The following EML3 variants were observed in gnomAD, a reference collection of about 807,000 sequenced individuals.
The protein encoded by EML3 is echinoderm microtubule-associated protein-like 3.
Under a neutral mutation model 106.7 loss-of-function variants are expected in EML3, and 53 were observed. That is an observed-to-expected ratio of 0.50 (90% CI 0.40 to 0.62). EML3 has a LOEUF of 0.62. EML3 is among the 20% of genes least tolerant of loss of function. EML3 has a pLI of 0.00. For missense variants in EML3, 994 were observed against 1,209.1 expected (o/e 0.82, Z 2.64); for synonymous variants, 499 against 489.6 (o/e 1.02, Z -0.25).
Position 62,607,653 on chromosome 11 carries a change from A to T in EML3, c.1362+13T>A. The T allele has an allele frequency of 6.2e-7, 1 of 1,609,586 alleles. No individual in the cohort carries two copies. The highest frequency in any genetic ancestry group is 8.5e-7 in the Non-Finnish European group (1 of 1,178,020). ...CTGCCCTCCCCATCACCTTCCACTT[A>T]TCCATGCCTCACCCCAAAGACACCC... On this transcript the variant is annotated intron_variant, in intron 11 of 21. Transcript: ENST00000394773.
At chr11:62,612,374 C>A in intron 1 of EML3, 62 bp downstream of exon 1, 1 of 1,476,080 alleles carries the variant, frequency 6.8e-7, no homozygotes, top group African/African-American at 1.4e-5. Flanking sequence ...CCAGCTCTGG[C>A]ATAACCCGAC....
At chr11:62,603,632 T>C in intron 19 of EML3, 97 bp downstream of exon 19, 1 of 1,036,008 alleles carries the variant, frequency 9.7e-7, no homozygotes. Context: ...TTTAACCCCA[T>C]CTCCACTTCC....
At chr11:62,611,034 C>T (rs766000910) in intron 3 of EML3, 42 bp from the exon 4 acceptor site, 4 of 1,607,946 alleles carry the variant, frequency 2.5e-6, no homozygotes, top group Non-Finnish European at 3.4e-6. Flanking sequence ...CAACTGTACT[C>T]TGCAATCCTA....
intron 1 of EML3, 187 bp from the exon 2 acceptor site, chr11:62,611,783 C>T: frequency 1.5e-6 from 1 of 663,666 alleles, no homozygotes; most frequent in Non-Finnish European, 2.5e-6. Flanking sequence ...TCTGGCAGGG[C>T]AGGCGAGAAA....
chr11:62,603,628 C>A (rs1362743154), intron 19 of EML3, 101 bp downstream of exon 19: 4 of 987,972 alleles, frequency 4.0e-6, no homozygotes, highest in Non-Finnish European at 6.2e-6. Context: ...CCACTTTAAC[C>A]CCATCTCCAC....
chr11:62,602,844 C>T lies in EML3; in HGVS notation c.2402G>A (p.Cys801Tyr), dbSNP rs1942308667. 1 of 1,604,128 alleles carries T rather than the reference C, an allele frequency of 6.2e-7. No individual in the cohort carries two copies. The highest frequency in any genetic ancestry group is 8.5e-7 in the Non-Finnish European group (1 of 1,175,878). The change falls in exon 21 of 22, where the codon TGC (cysteine) becomes TAC (tyrosine). Residue 801 changes from cysteine (C) to tyrosine (Y), a missense_variant. Cys to Tyr is a radical substitution (Grantham distance 194, BLOSUM62 -2). Transcript: ENST00000394773. ...CACCACGCGCTCGTTGTGGGAGCGG[C>T]ACAGGGAGTTGATGTCGGTCCCATC... ...GSDGTDINSL[C>Y]RSHNERVVAV...
Position 62,602,372 on chromosome 11 carries a change from A to G in EML3, c.*103T>C, listed in dbSNP as rs1318550440. The G allele has an allele frequency of 1.3e-6, 2 of 1,507,014 alleles. No individual in the cohort carries two copies. Among genetic ancestry groups the G allele is most frequent in the African/African-American group, 2.8e-5 (2 of 71,036 alleles). The allele number at this position is 1,507,014 out of a possible 1,614,324, so 93.4% of individuals were successfully genotyped here. ...GCGCGATCGGGAATGTCTCGAAGTC[A>G]GTCCAGGAAAGAGTCGGCCCCTAGT... On this transcript the variant is annotated 3_prime_UTR_variant, in exon 22 of 22. Coordinates refer to ENST00000394773, the MANE Select transcript of EML3 (RefSeq NM_153265.3).
intron 16 of EML3, 180 bp downstream of exon 16, chr11:62,604,933 C>G (rs949676142): frequency 2.1e-6 from 1 of 477,450 alleles, no homozygotes; most frequent in Non-Finnish European, 3.7e-6. Flanking sequence ...GGGGGAGAAA[C>G]AGTTACCACA....
chr11:62,609,504 T>A, intron 5 of EML3, 27 bp from the exon 6 acceptor site: 4 of 1,544,122 alleles, frequency 2.6e-6, no homozygotes, highest in South Asian at 2.5e-5. Context: ...TGGTGTCAAC[T>A]ACCCCCTTCC....
chr11:62,608,192 A>T lies in EML3; in HGVS notation c.1206+9T>A. On this transcript the variant is annotated intron_variant, in intron 10 of 21. Transcript: ENST00000394773. ...CTCAGAGCCCCTCCAAGCCACATGG[A>T]CTCCTCACCTTGATCTCAGCCAGCT... 1 of 1,612,820 alleles carries T rather than the reference A, an allele frequency of 6.2e-7. No homozygotes were observed. Among genetic ancestry groups the T allele is most frequent in the Non-Finnish European group, 8.5e-7 (1 of 1,179,392 alleles).
In EML3 at chr11:62,602,387, C is replaced by G. The variant is rs933663372; in HGVS notation, c.*88G>C. 5 of 1,460,064 alleles carry G rather than the reference C, an allele frequency of 3.4e-6. No homozygotes were observed. The highest frequency in any genetic ancestry group is 4.6e-6 in the Non-Finnish European group (5 of 1,088,704). The allele number at this position is 1,460,064 out of a possible 1,614,324, so 90.4% of individuals were successfully genotyped here. ...TCTCGAAGTCAGTCCAGGAAAGAGTCGGCCCCTAGTCGTGGGGGATTGGGC... is the reference window on the plus strand; with the variant it reads ...TCTCGAAGTCAGTCCAGGAAAGAGTGGGCCCCTAGTCGTGGGGGATTGGGC... On this transcript the variant is annotated 3_prime_UTR_variant, in exon 22 of 22. Coordinates refer to ENST00000394773, the MANE Select transcript of EML3 (RefSeq NM_153265.3).
At chr11:62,608,706 T>C (rs759433648) in intron 8 of EML3, 30 bp downstream of exon 8, 1 of 1,613,944 alleles carries the variant, frequency 6.2e-7, no homozygotes, top group East Asian at 2.2e-5. Flanking sequence ...AATTCCAGCA[T>C]GTCTGCCTGC....
intron 20 of EML3, 48 bp from the exon 21 acceptor site, chr11:62,602,937 A>G: frequency 1.3e-6 from 2 of 1,491,794 alleles, no homozygotes. Context: ...ACCGCCACCC[A>G]CGGCCCAGAG....
chr11:62,607,612 T>C, intron 11 of EML3, 54 bp downstream of exon 11: 1 of 1,577,538 alleles, frequency 6.3e-7, no homozygotes, highest in South Asian at 1.2e-5. Context: ...CTCAGCCCAG[T>C]GCTTCCTCTT....
chr11:62,605,086 C>G lies in EML3; in HGVS notation c.1982+27G>C. On this transcript the variant is annotated intron_variant, in intron 16 of 21. Coordinates refer to ENST00000394773, the MANE Select transcript of EML3 (RefSeq NM_153265.3). The surrounding 1 kb of genome is among the most constrained non-coding windows in gnomAD (Gnocchi z 5.2). ...CCCTTCCCAGTCCTCCCTGCTTTCC[C>G]TCCTGGGAGTCCTGGCTCTCTCTCA... is the stretch of plus-strand genomic sequence containing the variant. The G allele has an allele frequency of 6.2e-7, 1 of 1,603,982 alleles. No individual in the cohort carries two copies. The highest frequency in any genetic ancestry group is 1.3e-5 in the African/African-American group (1 of 74,650).
chr11:62,602,479 A>G lies in EML3; in HGVS notation c.2687T>C (p.Val896Ala). The G allele has an allele frequency of 6.5e-7, 1 of 1,534,404 alleles. No individual in the cohort carries two copies. Among genetic ancestry groups the G allele is most frequent in the Non-Finnish European group, 8.8e-7 (1 of 1,137,742 alleles). The change falls in exon 22 of 22, where the codon GTT (valine) becomes GCT (alanine). Residue 896 changes from valine (V) to alanine (A), a missense_variant. Val to Ala is a moderately conservative substitution (Grantham distance 64). Transcript: ENST00000394773. ...PSLSPASSLD[V>A] ...GTCGGTCCCGCCAGGCAGCGATCAA[A>G]CGTCGAGGGAGGAGGCGGGGGACAG...
chr11:62,602,538 C>T lies in EML3; in HGVS notation c.2628G>A (p.Gly876=). ...TTCGAGAGGGCGTGGCGGGCGCCGG[C>T]CCCGCGCCCCCAGCGCCCAGCACTC... ...QWRVLGAGGA[G]PAPATPSRTP... is the part of the protein sequence containing the mutation. The change falls in exon 22 of 22, where the codon GGG becomes GGA. Residue 876 remains glycine, a synonymous_variant. Transcript: ENST00000394773. 6.7e-7 allele frequency: 1 copy of T among 1,488,274 alleles called. No homozygotes were observed. The highest frequency in any genetic ancestry group is 8.9e-7 in the Non-Finnish European group (1 of 1,120,292). The allele number at this position is 1,488,274 out of a possible 1,614,324, so 92.2% of individuals were successfully genotyped here.
Position 62,603,816 on chromosome 11 carries a change from CCTGG to C in EML3, c.2170-4_2170-1del. The C allele has an allele frequency of 6.2e-7, 1 of 1,614,038 alleles. No individual in the cohort carries two copies. Among genetic ancestry groups the C allele is most frequent in the Non-Finnish European group, 8.5e-7 (1 of 1,179,982 alleles). ...AGATGAGTGATGAAGCTGGAGTGAC[CCTGG>C]GAGCAAAGGTCAAGAGTTTTAAAGT... On this transcript the variant is annotated splice_acceptor_variant and splice_polypyrimidine_tract_variant and intron_variant, in intron 18 of 21. Transcript: ENST00000394773. LOFTEE classifies it high-confidence loss of function.
chr11:62,606,285 G>T (rs954317702), intron 12 of EML3, 71 bp from the exon 13 acceptor site: 1 of 1,541,066 alleles, frequency 6.5e-7, no homozygotes, highest in Non-Finnish European at 8.8e-7. Context: ...CAGCTTGGCT[G>T]TCGCAATACA....
Sources: gnomAD v4.1 joint callset for allele counts on GRCh38, gnomAD v4.1.1 for gene constraint, Gnocchi (gnomAD v3.1) non-coding constraint, MANE v1.5 for transcripts, NCBI Gene and HGNC (gene_info 2026-07-23, HGNC 2026-07-21) for gene names.